Variants in ZFHX3 observed in about 807,000 individuals in gnomAD.
The protein encoded by ZFHX3 is zinc finger homeobox protein 3.
A neutral mutation model predicts 279.1 loss-of-function variants in ZFHX3; 42 were observed. The ratio of observed to expected loss-of-function variants is 0.15; its 90% CI spans 0.12 to 0.19. ZFHX3 has a LOEUF of 0.19. ZFHX3 is among the 10% of genes least tolerant of loss of function. The pLI, the probability that ZFHX3 is intolerant of heterozygous loss-of-function variation, is 1.00. For synonymous variants in ZFHX3, 2,293 were observed against 1,957.8 expected, an observed-to-expected ratio of 1.17 and a Z score of -4.52; for missense variants, 4,981 against 4,754.0, an observed-to-expected ratio of 1.05 and a Z score of -1.40.
intron 2 of ZFHX3, among the ~76,000 whole-genome samples, chr16:73,643,514 A>G (rs1382438453): frequency 6.6e-6 from 1 of 152,230 alleles, no homozygotes; most frequent in African/African-American, 2.4e-5. Flanking sequence ...AAAAAATGCT[A>G]TATACATTTG....
chr16:73,255,828 G>C, intron 5 of ZFHX3, among the ~76,000 whole-genome samples: 1 of 152,196 alleles, frequency 6.6e-6, no homozygotes, highest in East Asian at 1.9e-4. Context: ...ATACAGCATG[G>C]TCTGAGTGGT....
chr16:72,907,515 C>G (rs1026201123), intron 3 of ZFHX3, among the ~76,000 whole-genome samples: 1 of 149,420 alleles, frequency 6.7e-6, no homozygotes, highest in Non-Finnish European at 1.5e-5. Flanking sequence ...GCAGCTCTAC[C>G]GGTTCTCGGT....
chr16:72,938,552 T>G (rs910957536), intron 3 of ZFHX3, among the ~76,000 whole-genome samples: 1 of 152,134 alleles, frequency 6.6e-6, no homozygotes. Context: ...ATTTGGTGGG[T>G]CCCTCGGGAA....
intron 1 of ZFHX3, among the ~76,000 whole-genome samples, chr16:73,819,043 T>C (rs1567420820): frequency 6.6e-6 from 1 of 152,098 alleles, no homozygotes; most frequent in Non-Finnish European, 1.5e-5. Flanking sequence ...TCCTCAAGCC[T>C]CCTGTGCAAC....
intron 7 of ZFHX3, among the ~76,000 whole-genome samples, chr16:73,123,085 C>A (rs947565914): frequency 9.9e-5 from 15 of 151,836 alleles, no homozygotes; most frequent in African/African-American, 3.6e-4. Context: ...GGACACTCCC[C>A]ACCCTCTAAA....
chr16:73,695,859 A>C (rs1221296365), intron 1 of ZFHX3, among the ~76,000 whole-genome samples: 5 of 151,872 alleles, frequency 3.3e-5, no homozygotes. Context: ...TCCCACTCAC[A>C]CCCAGGCTCG....
At chr16:73,037,786 G>A (rs557611327) in intron 1 of ZFHX3, among the ~76,000 whole-genome samples, 1 of 152,174 alleles carries the variant, frequency 6.6e-6, no homozygotes, top group East Asian at 1.9e-4. Context: ...TGTAAAACCT[G>A]GCTGACCCCC....
chr16:73,404,720 G>C (rs2017325419), intron 3 of ZFHX3, among the ~76,000 whole-genome samples: 1 of 152,168 alleles, frequency 6.6e-6, no homozygotes, highest in Non-Finnish European at 1.5e-5. Flanking sequence ...AGGACACCAA[G>C]TCTCTGAGTT....
intron 1 of ZFHX3, among the ~76,000 whole-genome samples, chr16:72,986,793 A>G (rs1420299029): frequency 6.6e-6 from 1 of 152,186 alleles, no homozygotes; most frequent in Admixed American, 6.5e-5. Context: ...TGGCAGCCCC[A>G]GGACTTCAGG....
chr16:73,000,943 C>T (rs1018161471), intron 1 of ZFHX3, among the ~76,000 whole-genome samples: 5 of 152,210 alleles, frequency 3.3e-5, no homozygotes, highest in Non-Finnish European at 7.3e-5. Context: ...CTCACTCAGT[C>T]CTTATGATCC....
intron 1 of ZFHX3, among the ~76,000 whole-genome samples, chr16:73,840,058 G>T (rs1464498733): frequency 6.6e-6 from 1 of 152,134 alleles, no homozygotes; most frequent in Admixed American, 6.5e-5. Context: ...AGTGAACAGG[G>T]ACCTAATCTT....
chr16:73,794,954 T>C (rs1959948906), intron 1 of ZFHX3, among the ~76,000 whole-genome samples: 1 of 152,214 alleles, frequency 6.6e-6, no homozygotes, highest in Non-Finnish European at 1.5e-5. Context: ...TGTCTAAAAA[T>C]TGTGCCTTCA....
At chr16:73,445,836 C>T (rs1212345664) in intron 3 of ZFHX3, among the ~76,000 whole-genome samples, 1 of 152,136 alleles carries the variant, frequency 6.6e-6, no homozygotes, top group African/African-American at 2.4e-5. Context: ...TAAAATACAC[C>T]AGCTCCCTTT....
intron 1 of ZFHX3, among the ~76,000 whole-genome samples, chr16:73,820,192 C>A (rs1043015412): frequency 1.3e-5 from 2 of 152,134 alleles, no homozygotes; most frequent in Admixed American, 1.3e-4. Context: ...TGGGTTCATG[C>A]CATTCTCCTG....
At chr16:73,652,737 A>G (rs543301747) in intron 2 of ZFHX3, among the ~76,000 whole-genome samples, 130 of 152,328 alleles carry the variant, frequency 8.5e-4, no homozygotes, top group South Asian at 3.5e-3. Context: ...TTAGATTTTG[A>G]TAAGTATACC....
At chr16:73,092,742 G>A (rs1173381222) in intron 8 of ZFHX3, 1 of 345,292 alleles carries the variant, frequency 2.9e-6, no homozygotes, top group Non-Finnish European at 5.7e-6. Context: ...TGGGCTTCAT[G>A]AGGCTAAGTA....
At chr16:73,764,149 G>A (rs1458902471) in intron 1 of ZFHX3, among the ~76,000 whole-genome samples, 4 of 152,196 alleles carry the variant, frequency 2.6e-5, no homozygotes, top group African/African-American at 4.8e-5. Flanking sequence ...AAACTAATAC[G>A]CAAGCTGTGC....
At chr16:73,279,175 C>A (rs2014394302) in intron 4 of ZFHX3, among the ~76,000 whole-genome samples, 3 of 151,900 alleles carry the variant, frequency 2.0e-5, no homozygotes, top group African/African-American at 7.3e-5. Flanking sequence ...TAAGCTAGGA[C>A]AGAAGTTTTG....
chr16:73,296,630 T>C (rs973823894), intron 4 of ZFHX3, among the ~76,000 whole-genome samples: 1 of 152,190 alleles, frequency 6.6e-6, no homozygotes, highest in African/African-American at 2.4e-5. Context: ...TTCAGAAAGA[T>C]GTATAAATAG....
Sources: gnomAD v4.1 joint callset for allele counts (sites outside exome capture counted in the v4.1 genomes callset) on GRCh38, gnomAD v4.1.1 for gene constraint, MANE v1.5 for transcripts, NCBI Gene and HGNC (gene_info 2026-07-23, HGNC 2026-07-21) for gene names.